The following SCUBE2 variants were observed in gnomAD, a reference collection of about 807,000 sequenced individuals.
The protein encoded by SCUBE2 is signal peptide, CUB domain and EGF like domain containing 2.
In SCUBE2, 114 loss-of-function variants were observed where a neutral mutation model predicts 125.9. That is an observed-to-expected ratio of 0.91 (90% CI 0.78 to 1.06). The LOEUF is 1.06. Ranked by LOEUF, SCUBE2 falls within the 50% of genes least tolerant of loss-of-function variation. The pLI is 0.00. For missense variants in SCUBE2, 1,255 were observed against 1,301.8 expected, an observed-to-expected ratio of 0.96 and a Z score of 0.55; for synonymous variants, 459 against 492.9, an observed-to-expected ratio of 0.93 and a Z score of 0.91.
At chr11:9,049,833 A>T (rs1858167494) in intron 14 of SCUBE2, 1 of 152,220 alleles carries the variant, frequency 6.6e-6, no homozygotes, top group Non-Finnish European at 1.5e-5. Context: ...TTCTTTGAAA[A>T]CATAGAATTA....
At chr11:9,088,912 T>C (rs1282399981) in intron 2 of SCUBE2, among the ~76,000 whole-genome samples, 5 of 152,202 alleles carry the variant, frequency 3.3e-5, no homozygotes, top group South Asian at 4.1e-4. Context: ...TGTGTGATCA[T>C]GGCCACAACT....
intron 12 of SCUBE2, 113 bp downstream of exon 12, chr11:9,052,986 G>C: frequency 2.8e-6 from 3 of 1,071,568 alleles, no homozygotes; most frequent in Non-Finnish European, 2.8e-6. Flanking sequence ...AAGCACGGTG[G>C]TCGGGGCATC....
chr11:9,075,107 T>C (rs1035083106), intron 3 of SCUBE2, among the ~76,000 whole-genome samples: 2 of 150,684 alleles, frequency 1.3e-5, no homozygotes, highest in African/African-American at 4.9e-5. Flanking sequence ...TCCCAGCTAC[T>C]GAGGCAGGAA....
Position 9,021,142 on chromosome 11 carries a change from A to G in SCUBE2, c.2990T>C (p.Phe997Ser), listed in dbSNP as rs374174300. The change falls in exon 23 of 23, where the codon TTC becomes TCC. Residue 997 changes from phenylalanine (F) to serine (S), a missense_variant. By Grantham distance (155) the Phe-to-Ser change is radical. Around this residue, in one of 3 missense-constraint regions of SCUBE2, gnomAD observed 515 missense variants for 515.7 expected, o/e 1.00. Transcript: ENST00000649792. ...TCGGGACTCCTGGGCTGTGTACTTG[A>G]AATAGTTCTGGGGATGGGCCAGGAC... ...FDVLAHPQNY[F>S]KYTAQESREM... 4.3e-6 allele frequency: 7 copies of G among 1,613,340 alleles called. No homozygotes were observed.
chr11:9,066,168 T>C (rs1259569505), intron 6 of SCUBE2, among the ~76,000 whole-genome samples, 188 bp from the exon 7 acceptor site: 1 of 152,194 alleles, frequency 6.6e-6, no homozygotes, highest in African/African-American at 2.4e-5. Context: ...CACAGATCCT[T>C]AGCAAACATT....
chr11:9,066,128 C>T (rs1377853884), intron 6 of SCUBE2, 148 bp from the exon 7 acceptor site: 1 of 623,050 alleles, frequency 1.6e-6, no homozygotes, highest in Non-Finnish European at 2.8e-6. Flanking sequence ...TGTAATGAGG[C>T]TCTGTGGGAG....
intron 20 of SCUBE2, 167 bp downstream of exon 20, chr11:9,027,197 G>A (rs898182741): frequency 4.6e-6 from 3 of 655,918 alleles, no homozygotes; most frequent in African/African-American, 3.6e-5. Context: ...TTCAGTGTGT[G>A]GCTTTCATTT....
chr11:9,067,738 AATGTTAATGTTAAAAT>A (rs1014001241), intron 5 of SCUBE2, among the ~76,000 whole-genome samples: 2 of 152,222 alleles, frequency 1.3e-5, no homozygotes, highest in African/African-American at 4.8e-5. Flanking sequence ...AAATGTTAAT[AATGTTAATGTTAAAAT>A]ATGTTAATGT....
In SCUBE2 at chr11:9,050,598, T is replaced by C; in HGVS notation, c.1639+8A>G. On this transcript the variant is annotated splice_region_variant and intron_variant, in intron 14 of 22. Coordinates refer to ENST00000649792, the MANE Select transcript of SCUBE2 (RefSeq NM_001367977.2). The stretch of plus-strand genomic sequence containing the variant: ...CAAGCTCCCTACACCAACCACCTGA[T>C]TCCATACCTGGTAGTGCTGGTCGCA... 1 of 1,609,548 alleles carries C rather than the reference T, an allele frequency of 6.2e-7. No individual in the cohort carries two copies. Among genetic ancestry groups the C allele is most frequent in the South Asian group, 1.1e-5 (1 of 91,022 alleles).
chr11:9,060,111 A>T (rs574918629), intron 8 of SCUBE2, among the ~76,000 whole-genome samples: 5 of 152,232 alleles, frequency 3.3e-5, no homozygotes, highest in Non-Finnish European at 7.3e-5. Context: ...CCTGCAAATG[A>T]ATGCTTCCTT....
At chr11:9,089,020 T>C (rs1199094342) in intron 2 of SCUBE2, among the ~76,000 whole-genome samples, 1 of 152,176 alleles carries the variant, frequency 6.6e-6, no homozygotes, top group Non-Finnish European at 1.5e-5. Context: ...ATGATTTCCA[T>C]CTCCAGGAAC....
chr11:9,063,688 G>A (rs760587941), intron 7 of SCUBE2, among the ~76,000 whole-genome samples: 5 of 152,154 alleles, frequency 3.3e-5, no homozygotes, highest in Non-Finnish European at 5.9e-5. Context: ...CAAGACATAG[G>A]ATCCACCCAA....
intron 16 of SCUBE2, among the ~76,000 whole-genome samples, chr11:9,037,341 T>C (rs556562905): frequency 1.3e-5 from 2 of 152,156 alleles, no homozygotes; most frequent in Non-Finnish European, 2.9e-5. Context: ...TCTCCTTCTT[T>C]AAAAAAGATA....
chr11:9,059,638 G>C, intron 8 of SCUBE2: 1 of 591,690 alleles, frequency 1.7e-6, no homozygotes. Flanking sequence ...ATCGTCTTGA[G>C]AACGCTGACT....
chr11:9,064,169 C>G (rs1013271690), intron 7 of SCUBE2, among the ~76,000 whole-genome samples: 1 of 152,012 alleles, frequency 6.6e-6, no homozygotes, highest in African/African-American at 2.4e-5. Context: ...ACAGACACAT[C>G]AAGAAGTAAC....
intron 3 of SCUBE2, among the ~76,000 whole-genome samples, chr11:9,077,611 A>T (rs917232622): frequency 6.6e-6 from 1 of 152,156 alleles, no homozygotes; most frequent in African/African-American, 2.4e-5. Context: ...TTTGCCACAA[A>T]CTGGGTCAGC....
intron 5 of SCUBE2, 65 bp downstream of exon 5, chr11:9,069,305 G>C: frequency 6.3e-7 from 1 of 1,594,078 alleles, no homozygotes; most frequent in Non-Finnish European, 8.6e-7. Context: ...TCTGAGCTGG[G>C]CCACAGAAGG....
chr11:9,065,368 C>T (rs1860110011), intron 7 of SCUBE2, among the ~76,000 whole-genome samples: 1 of 152,084 alleles, frequency 6.6e-6, no homozygotes, highest in Non-Finnish European at 1.5e-5. Flanking sequence ...GGTAGTTCCT[C>T]CTGCATTTAT....
intron 4 of SCUBE2, among the ~76,000 whole-genome samples, chr11:9,070,349 G>A (rs531592725): frequency 9.8e-5 from 15 of 152,332 alleles, no homozygotes; most frequent in South Asian, 2.1e-4. Flanking sequence ...GTAACTGCCC[G>A]TGTGGTTTAC....
Sources: allele counts gnomAD v4.1 joint callset (sites outside exome capture counted in the v4.1 genomes callset), GRCh38; gene constraint gnomAD v4.1.1; regional missense constraint gnomAD v4.1.1; transcripts MANE v1.5; gene names NCBI Gene and HGNC (gene_info 2026-07-23, HGNC 2026-07-21).